The following ADGRB3 variants were observed in gnomAD, a reference collection of about 807,000 sequenced individuals.
The protein encoded by ADGRB3 is brain-specific angiogenesis inhibitor 3.
A neutral mutation model predicts 193.4 loss-of-function variants in ADGRB3; 37 were observed. The ratio of observed to expected loss-of-function variants is 0.19; its 90% CI spans 0.15 to 0.25. ADGRB3 has a LOEUF of 0.25. Among genes scored for constraint, ADGRB3 ranks in the 10% least tolerant of loss-of-function variants. The pLI is 1.00. For missense variants in ADGRB3, 1,637 were observed against 1,852.9 expected (o/e 0.88, Z 2.14); for synonymous variants, 690 against 644.2 (o/e 1.07, Z -1.08).
chr6:69,089,860 A>G (rs899661288), intron 17 of ADGRB3, among the ~76,000 whole-genome samples: 3 of 152,138 alleles, frequency 2.0e-5, no homozygotes, highest in African/African-American at 7.2e-5. Context: ...GTGATGGCCA[A>G]ACATGTCTCC....
intron 8 of ADGRB3, among the ~76,000 whole-genome samples, chr6:68,957,644 G>A (rs1768111548): frequency 6.6e-6 from 1 of 152,084 alleles, no homozygotes; most frequent in Non-Finnish European, 1.5e-5. Context: ...TGATTCCTGG[G>A]GGTACAGTGA....
At chr6:68,842,757 G>A (rs1038383015) in intron 3 of ADGRB3, among the ~76,000 whole-genome samples, 1 of 151,888 alleles carries the variant, frequency 6.6e-6, no homozygotes, top group African/African-American at 2.4e-5. Context: ...CAACATTAAT[G>A]TCAAAATCCT....
chr6:68,666,631 C>T (rs979768992), intron 3 of ADGRB3, among the ~76,000 whole-genome samples: 8 of 150,654 alleles, frequency 5.3e-5, no homozygotes, highest in African/African-American at 9.9e-5. Context: ...TTCTTAATTT[C>T]TCTGAAATTA....
chr6:68,746,162 A>G (rs1766079877), intron 3 of ADGRB3, among the ~76,000 whole-genome samples: 1 of 152,038 alleles, frequency 6.6e-6, no homozygotes. Context: ...ACTCTTGCCA[A>G]CGTTGCCTAA....
At chr6:69,025,126 A>G (rs542143450) in intron 13 of ADGRB3, among the ~76,000 whole-genome samples, 1 of 152,050 alleles carries the variant, frequency 6.6e-6, no homozygotes, top group South Asian at 2.1e-4. Context: ...ATAATAAAAT[A>G]AAATAAATAT....
rs999570472 is a variant in ADGRB3, at chr6:68,960,841, T to C, written c.1525+4032T>C. 4.6e-5 allele frequency among the ~76,000 whole-genome samples: 7 copies of C among 152,232 alleles called. No individual in the cohort carries two copies. The East Asian group carries it at 7.7e-4, about 17-fold the overall frequency. Reference sequence around the variant, plus strand: ...AGTAGGTCTTGAATGAGCCTGAGAATCTGCATTTTTATGAAGGTCTCAGGT... The same window carrying C: ...AGTAGGTCTTGAATGAGCCTGAGAACCTGCATTTTTATGAAGGTCTCAGGT... On this transcript the variant is annotated intron_variant, in intron 8 of 31. Coordinates refer to ENST00000370598, the MANE Select transcript of ADGRB3 (RefSeq NM_001704.3).
intron 22 of ADGRB3, among the ~76,000 whole-genome samples, chr6:69,328,774 A>ATT (rs1768641264): frequency 6.6e-6 from 1 of 152,096 alleles, no homozygotes; most frequent in African/African-American, 2.4e-5. Context: ...CATCTATAGT[A>ATT]TTTTTAAAAA....
chr6:69,343,431 G>A lies in ADGRB3; in HGVS notation c.3459+3927G>A, dbSNP rs542738736. Among the ~76,000 whole-genome samples the A allele has an allele frequency of 3.7e-4, 55 of 147,040 alleles. No homozygotes were observed. In the South Asian group the frequency reaches 0.01, roughly 27 times the overall value. ...TTCCCACCTATGAGTGAGAATACGCGGTGTTTGGTTTTTTGTTCTTGCGAT... is the reference window on the plus strand; with the variant it reads ...TTCCCACCTATGAGTGAGAATACGCAGTGTTTGGTTTTTTGTTCTTGCGAT... On this transcript the variant is annotated intron_variant, in intron 26 of 31. Coordinates refer to ENST00000370598, the MANE Select transcript of ADGRB3 (RefSeq NM_001704.3).
intron 17 of ADGRB3, among the ~76,000 whole-genome samples, chr6:69,232,818 C>T (rs895522822): frequency 4.6e-5 from 7 of 152,336 alleles, no homozygotes; most frequent in Admixed American, 3.3e-4. Context: ...ACCTTTTAGT[C>T]AGGCTTTTCA....
chr6:68,874,647 C>T (rs1474774330), intron 3 of ADGRB3, among the ~76,000 whole-genome samples: 1 of 151,804 alleles, frequency 6.6e-6, no homozygotes, highest in East Asian at 1.9e-4. Flanking sequence ...AAAACTAAGA[C>T]CAATGTTAAT....
chr6:68,686,712 G>C (rs1157985093), intron 3 of ADGRB3, among the ~76,000 whole-genome samples: 1 of 151,966 alleles, frequency 6.6e-6, no homozygotes, highest in African/African-American at 2.4e-5. Context: ...TCTCATTTAG[G>C]GCACGAACAA....
At chr6:68,838,019 GA>G (rs201386839) in intron 3 of ADGRB3, among the ~76,000 whole-genome samples, 4 of 150,530 alleles carry the variant, frequency 2.7e-5, no homozygotes, top group East Asian at 1.9e-4. Flanking sequence ...TTTTTATGTG[GA>G]AAAAAAAATC....
chr6:69,263,568 A>G (rs186897056), intron 20 of ADGRB3, among the ~76,000 whole-genome samples: 1 of 152,142 alleles, frequency 6.6e-6, no homozygotes, highest in East Asian at 1.9e-4. Context: ...CTCATGTGCA[A>G]GTCTTGCATA....
intron 8 of ADGRB3, among the ~76,000 whole-genome samples, chr6:68,970,217 A>AT (rs1405033226): frequency 3.3e-5 from 5 of 151,846 alleles, no homozygotes; most frequent in African/African-American, 9.7e-5. Context: ...TACTCAAGTA[A>AT]TTTTTTGTTT....
chr6:68,890,254 CAGG>C (rs1766034580), intron 3 of ADGRB3, among the ~76,000 whole-genome samples: 1 of 152,180 alleles, frequency 6.6e-6, no homozygotes, highest in Non-Finnish European at 1.5e-5. Context: ...GGTTAACTTA[CAGG>C]TAAGTACAAT....
chr6:69,242,104 G>A (rs1766396763), intron 20 of ADGRB3, among the ~76,000 whole-genome samples: 1 of 151,824 alleles, frequency 6.6e-6, no homozygotes, highest in Non-Finnish European at 1.5e-5. Context: ...ATTTATATAT[G>A]AGAATTTGGT....
intron 3 of ADGRB3, among the ~76,000 whole-genome samples, chr6:68,906,053 C>CATAGAA (rs1562080399): frequency 6.6e-6 from 1 of 151,734 alleles, no homozygotes; most frequent in African/African-American, 2.4e-5. Context: ...ACTATAGCCT[C>CATAGAA]ATAGAAATAA....
At chr6:69,375,742 A>G (rs374410282) in intron 30 of ADGRB3, among the ~76,000 whole-genome samples, 23 of 152,212 alleles carry the variant, frequency 1.5e-4, no homozygotes, top group African/African-American at 5.5e-4. Flanking sequence ...TGTTAAAAAT[A>G]TATGGATAAA....
intron 6 of ADGRB3, among the ~76,000 whole-genome samples, chr6:68,954,980 A>G (rs1768031689): frequency 6.6e-6 from 1 of 152,016 alleles, no homozygotes; most frequent in African/African-American, 2.4e-5. Context: ...GGCTTCTTAA[A>G]CACCTGAGAA....
Sources: allele counts gnomAD v4.1 joint callset (sites outside exome capture counted in the v4.1 genomes callset), GRCh38; gene constraint gnomAD v4.1.1; transcripts MANE v1.5; gene names NCBI Gene and HGNC (gene_info 2026-07-23, HGNC 2026-07-21).